PLXNA4: variants seen among roughly 807,000 people sequenced by gnomAD.
The protein encoded by PLXNA4 is plexin-A4.
Under a neutral mutation model 191.8 loss-of-function variants are expected in PLXNA4, and 44 were observed. The ratio of observed to expected loss-of-function variants is 0.23; its 90% confidence interval spans 0.18 to 0.29. PLXNA4 has a LOEUF of 0.29. Ranked by LOEUF, PLXNA4 falls within the 10% of genes least tolerant of loss-of-function variation. The probability of loss-of-function intolerance (pLI) is 1.00; values close to 1 mark genes in which losing one functional copy is unlikely to be tolerated. For missense variants in PLXNA4, 1,800 were observed against 2,488.8 expected, an observed-to-expected ratio of 0.72 and a Z score of 5.89; for synonymous variants, 1,082 against 1,009.5, an observed-to-expected ratio of 1.07 and a Z score of -1.36.
intron 4 of PLXNA4, among the ~76,000 whole-genome samples, chr7:132,280,023 T>G (rs1473249866): frequency 6.6e-6 from 1 of 152,228 alleles, no homozygotes; most frequent in African/African-American, 2.4e-5. Flanking sequence ...TCACAAATAG[T>G]AGTTATCCTT....
chr7:132,289,799 C>T (rs769479885), intron 4 of PLXNA4, among the ~76,000 whole-genome samples: 24 of 151,650 alleles, frequency 1.6e-4, no homozygotes, highest in Non-Finnish European at 1.9e-4. Context: ...TCTCAAAGTG[C>T]TGGGATTATA....
intron 3 of PLXNA4, among the ~76,000 whole-genome samples, chr7:132,382,697 T>C (rs1404658371): frequency 6.6e-6 from 1 of 152,232 alleles, no homozygotes; most frequent in Non-Finnish European, 1.5e-5. Context: ...TCAGCAATGA[T>C]ACGCTGCCCT....
chr7:132,305,008 C>G (rs1159487330), intron 3 of PLXNA4, among the ~76,000 whole-genome samples: 2 of 152,208 alleles, frequency 1.3e-5, no homozygotes, highest in African/African-American at 4.8e-5. Context: ...TTCCCACACT[C>G]TGGGCAAACC....
chr7:132,297,877 C>T (rs1362571614), intron 4 of PLXNA4, among the ~76,000 whole-genome samples: 1 of 152,176 alleles, frequency 6.6e-6, no homozygotes, highest in Non-Finnish European at 1.5e-5. Flanking sequence ...TTTAGACTCT[C>T]CAATATTTTG....
At chr7:132,449,577 C>T (rs1796040832) in intron 3 of PLXNA4, among the ~76,000 whole-genome samples, 1 of 152,226 alleles carries the variant, frequency 6.6e-6, no homozygotes, top group Non-Finnish European at 1.5e-5. Flanking sequence ...GGTGAGGAGG[C>T]AGAGGTACCT....
intron 4 of PLXNA4, among the ~76,000 whole-genome samples, chr7:132,257,864 G>A (rs918729904): frequency 6.6e-6 from 1 of 152,224 alleles, no homozygotes; most frequent in African/African-American, 2.4e-5. Context: ...TCTGTAGATG[G>A]AGGAATTGGA....
chr7:132,585,814 G>C (rs996487358), intron 2 of PLXNA4, among the ~76,000 whole-genome samples: 2 of 152,258 alleles, frequency 1.3e-5, no homozygotes, highest in Admixed American at 6.5e-5. Context: ...ATCCATCATG[G>C]GTGGGGGCTC....
chr7:132,558,932 G>A (rs527995755), intron 1 of PLXNA4, among the ~76,000 whole-genome samples: 1 of 152,062 alleles, frequency 6.6e-6, no homozygotes, highest in Admixed American at 6.5e-5. Context: ...CTTGGAGAGG[G>A]CTCAGCTCAC....
At chr7:132,492,791 G>A (rs974156985) in intron 2 of PLXNA4, among the ~76,000 whole-genome samples, 12 of 152,192 alleles carry the variant, frequency 7.9e-5, no homozygotes, top group Admixed American at 5.2e-4. Flanking sequence ...GCTATAGAGC[G>A]GGTAAGCTTA....
At chr7:132,582,991 T>C (rs1321741942) in intron 2 of PLXNA4, among the ~76,000 whole-genome samples, 1 of 152,206 alleles carries the variant, frequency 6.6e-6, no homozygotes, top group Non-Finnish European at 1.5e-5. Flanking sequence ...CATCTCAGTG[T>C]GTTACACAGA....
rs796835873 is a variant in PLXNA4, at chr7:132,549,086, C to T, written c.-87+27336G>A. 5.3e-5 allele frequency among the ~76,000 whole-genome samples: 8 copies of T among 152,300 alleles called. 1 individual carries two copies. Among genetic ancestry groups the T allele is most frequent in the African/African-American group, 1.9e-4 (8 of 41,562 alleles). ...CTGGAAATCTCATGAATAATCCACC[C>T]CTCGTTTAGCATATAATCCAGAAAC... On this transcript the variant is annotated intron_variant, in intron 1 of 31. Transcript: ENST00000321063.
intron 27 of PLXNA4, among the ~76,000 whole-genome samples, 160 bp from the exon 28 acceptor site, chr7:132,146,860 A>T (rs763000449): frequency 1.3e-5 from 2 of 152,128 alleles, no homozygotes; most frequent in Non-Finnish European, 2.9e-5. Context: ...CATTCCCTGA[A>T]ACTGGGATGC....
At chr7:132,151,590 A>G (rs1795644644) in intron 25 of PLXNA4, among the ~76,000 whole-genome samples, 5 of 79,648 alleles carry the variant, frequency 6.3e-5, no homozygotes, top group African/African-American at 1.5e-4. Flanking sequence ...GAGGAGGAGA[A>G]AGGAGGAGAG....
chr7:132,215,411 T>C (rs1030670879), intron 9 of PLXNA4, among the ~76,000 whole-genome samples: 1 of 152,266 alleles, frequency 6.6e-6, no homozygotes, highest in Non-Finnish European at 1.5e-5. Flanking sequence ...CCCTGGAATA[T>C]TGTGACATCA....
At chr7:132,535,134 A>G (rs903090704) in intron 1 of PLXNA4, among the ~76,000 whole-genome samples, 2 of 152,256 alleles carry the variant, frequency 1.3e-5, no homozygotes, top group African/African-American at 4.8e-5. Context: ...CTGCAGGACC[A>G]ACTTATCAGA....
rs147091443 is a variant in PLXNA4, at chr7:132,362,259, G to A, written c.1372-64037C>T. On this transcript the variant is annotated intron_variant, in intron 3 of 31. Transcript: ENST00000321063. ...TGCTGTAGAGCCACCTGCAGGGAGGGATCCTATTGATGTGGTAGAGCTGCT... is the reference window on the plus strand; with the variant it reads ...TGCTGTAGAGCCACCTGCAGGGAGGAATCCTATTGATGTGGTAGAGCTGCT... 6.0e-4 allele frequency among the ~76,000 whole-genome samples: 91 copies of A among 152,290 alleles called. 1 individual carries two copies. The highest frequency in any genetic ancestry group is 3.4e-3 in the Middle Eastern group (1 of 294).
chr7:132,607,908 T>C (rs372476410), intron 2 of PLXNA4, among the ~76,000 whole-genome samples: 1,495 of 15,688 alleles, frequency 0.095, no homozygotes, highest in Middle Eastern at 0.15. Context: ...CCATCATCCT[T>C]ATCACTATCA....
chr7:132,522,186 C>T (rs921322343), intron 1 of PLXNA4, among the ~76,000 whole-genome samples: 1 of 152,130 alleles, frequency 6.6e-6, no homozygotes, highest in African/African-American at 2.4e-5. Flanking sequence ...GCAGAGGGGA[C>T]AACACCTGCC....
chr7:132,459,741 G>A (rs1563111566), intron 3 of PLXNA4, among the ~76,000 whole-genome samples: 1 of 152,224 alleles, frequency 6.6e-6, no homozygotes, highest in African/African-American at 2.4e-5. Context: ...CTGATCTGAA[G>A]TGGGGAGGCT....
Sources: gnomAD v4.1 joint callset for allele counts (sites outside exome capture counted in the v4.1 genomes callset) on GRCh38, gnomAD v4.1.1 for gene constraint, MANE v1.5 for transcripts, NCBI Gene and HGNC (gene_info 2026-07-23, HGNC 2026-07-21) for gene names.